The following KDM2B variants were observed in gnomAD, a reference collection of about 807,000 sequenced individuals.
KDM2B encodes lysine demethylase 2B, also known as lysine-specific demethylase 2B.
KDM2B carries 26 observed loss-of-function variants against 150.0 expected under a neutral mutation model. That is an observed-to-expected ratio of 0.17 (90% CI 0.13 to 0.24). The LOEUF (loss-of-function observed/expected upper bound fraction) is 0.24. Ranked by LOEUF, KDM2B falls within the 10% of genes least tolerant of loss-of-function variation. The pLI is 1.00. For missense variants in KDM2B, 1,265 were observed against 1,816.9 expected, an observed-to-expected ratio of 0.70 and a Z score of 5.52; for synonymous variants, 734 against 729.5, an observed-to-expected ratio of 1.01 and a Z score of -0.10.
intron 12 of KDM2B, among the ~76,000 whole-genome samples, chr12:121,472,829 C>G (rs1880910959): frequency 6.6e-6 from 1 of 152,148 alleles, no homozygotes; most frequent in African/African-American, 2.4e-5. Flanking sequence ...CAAGTGGGTT[C>G]ACTTTATAAA....
chr12:121,417,850 C>T, the KDM2B span: 2 of 1,614,042 alleles, frequency 1.2e-6, no homozygotes, highest in Non-Finnish European at 8.5e-7. The surrounding 1 kb of genome is among the most constrained non-coding windows in gnomAD (Gnocchi z 5.0). Context: ...GCTACTATGT[C>T]TTCGTTTCAG....
intron 11 of KDM2B, among the ~76,000 whole-genome samples, chr12:121,502,403 C>T (rs1016139606): frequency 1.3e-5 from 2 of 152,212 alleles, no homozygotes; most frequent in Non-Finnish European, 2.9e-5. Flanking sequence ...AGGCAGATTG[C>T]TTGAGGCCAG....
At position 121,442,709 on chromosome 12, in the gene KDM2B, C is replaced by T. The variant is rs1555288860; in HGVS notation, c.2732G>A (p.Arg911His). The part of the protein sequence containing the change: ...PPKTRESDHS[R>H]SSSPTAGPST... ...GGGTCCCGCGGTGGGGGAGCTGGAG[C>T]GGGAGTGGTCGCTCTCCCTGGTCTT... The change falls in exon 19 of 23, where the codon CGC becomes CAC. Residue 911 changes from arginine to histidine, a missense_variant. Coordinates refer to ENST00000377071, the MANE Select transcript of KDM2B (RefSeq NM_032590.5). The surrounding 1 kb of genome is among the most constrained non-coding windows in gnomAD (Gnocchi z 7.7). 5.7e-6 allele frequency: 9 copies of T among 1,579,932 alleles called. No individual in the cohort carries two copies. The South Asian group carries it at 6.9e-5, about 12-fold the overall frequency.
At chr12:121,448,319 CAAA>C (rs57261158) in intron 13 of KDM2B, among the ~76,000 whole-genome samples, 3,010 of 50,894 alleles carry the variant, frequency 0.059, 112 homozygotes, top group African/African-American at 0.17. Context: ...GACTCTGTCT[CAAA>C]AAAAAAAAAA....
At chr12:121,569,180 A>G (rs528088316) in intron 4 of KDM2B, among the ~76,000 whole-genome samples, 2 of 152,288 alleles carry the variant, frequency 1.3e-5, no homozygotes, top group African/African-American at 4.8e-5. Context: ...TCACCCAGCA[A>G]CCCTGGAGAA....
At chr12:121,421,390 A>C in the KDM2B span, among the ~76,000 whole-genome samples, 6 of 148,568 alleles carry the variant, frequency 4.0e-5, no homozygotes, top group Admixed American at 6.7e-5. Flanking sequence ...AAAAAAAAAA[A>C]AAAAAAAACC....
At chr12:121,456,337 C>T (rs1284386267) in intron 12 of KDM2B, among the ~76,000 whole-genome samples, 1 of 152,276 alleles carries the variant, frequency 6.6e-6, no homozygotes, top group Non-Finnish European at 1.5e-5. Flanking sequence ...TCCAGAGAAG[C>T]GGAAATCCAA....
intron 4 of KDM2B, among the ~76,000 whole-genome samples, chr12:121,556,078 C>T (rs1889869956): frequency 6.6e-6 from 1 of 151,794 alleles, no homozygotes; most frequent in Non-Finnish European, 1.5e-5. Context: ...AAGAACGCAC[C>T]ACCACGCCTG....
At chr12:121,481,525 G>A (rs1014755924) in intron 12 of KDM2B, among the ~76,000 whole-genome samples, 33 of 135,150 alleles carry the variant, frequency 2.4e-4, no homozygotes, top group African/African-American at 8.8e-4. Flanking sequence ...AGCCAAATTC[G>A]AGAAAGAAGT....
At chr12:121,572,242 C>A (rs1156760679) in intron 4 of KDM2B, among the ~76,000 whole-genome samples, 1 of 152,094 alleles carries the variant, frequency 6.6e-6, no homozygotes, top group African/African-American at 2.4e-5. Context: ...AAACCCAACC[C>A]AAGAAAATAA....
At chr12:121,554,085 A>ACACACACACACACAC (rs1594114542) in intron 4 of KDM2B, among the ~76,000 whole-genome samples, 2 of 145,198 alleles carry the variant, frequency 1.4e-5, no homozygotes, top group Non-Finnish European at 1.5e-5. Context: ...ACACACACAC[A>ACACACACACACACAC]AATTGGCCAA....
intron 6 of KDM2B, among the ~76,000 whole-genome samples, chr12:121,548,577 C>T (rs557556650): frequency 8.5e-4 from 129 of 152,320 alleles, no homozygotes; most frequent in African/African-American, 2.9e-3. Context: ...TGTGCCCTTG[C>T]GTACAGACAC....
the KDM2B span, chr12:121,416,336 T>C: frequency 6.2e-7 from 1 of 1,614,144 alleles, no homozygotes; most frequent in East Asian, 2.2e-5. Context: ...CAACATAGTT[T>C]GTAAAGCCTG....
At position 121,442,616 on chromosome 12, in the gene KDM2B, G is replaced by C. The variant is rs782700172; in HGVS notation, c.2825C>G (p.Pro942Arg). ...KVKMRRKRRL[P>R]NKELSRELSK... ...CAGCTCCCTGCTCAGCTCCTTGTTG[G>C]GAAGCCGCCGCTTCCGGCGCATCTT... Residue 942 changes from proline to arginine, a missense_variant, in exon 19 of 23, where the codon CCC becomes CGC. Physicochemically the swap from Pro to Arg is moderately radical, Grantham distance 103. Around this residue, in one of 11 missense-constraint regions of KDM2B, gnomAD observed 418 missense variants for 402.4 expected, o/e 1.04. Coordinates refer to ENST00000377071, the MANE Select transcript of KDM2B (RefSeq NM_032590.5). This position sits in a 1 kb window ranked among gnomAD's most constrained non-coding sequence, Gnocchi z 7.7. 6.2e-7 allele frequency: 1 copy of C among 1,602,390 alleles called. No homozygotes were observed. The highest frequency in any genetic ancestry group is 8.5e-7 in the Non-Finnish European group (1 of 1,179,300).
chr12:121,509,903 T>C lies in KDM2B; in HGVS notation c.1311A>G (p.Lys437=), dbSNP rs782478479. The change falls in exon 11 of 23, where the codon AAA becomes AAG. Residue 437 remains lysine, a synonymous_variant. Transcript: ENST00000377071. ...GTGAAGTGGAGCCATCGGTGGGCGG[T>C]TTGGGTGCCCTGTCCCTGCCCTCGC... ...EEGEGRDRAP[K]PPTDGSTSPT... 2 of 1,612,528 alleles carry C rather than the reference T, an allele frequency of 1.2e-6. No homozygotes were observed. The highest frequency in any genetic ancestry group is 1.7e-6 in the Non-Finnish European group (2 of 1,179,730).
chr12:121,489,425 G>A (rs1181838479), intron 12 of KDM2B, among the ~76,000 whole-genome samples: 3 of 151,136 alleles, frequency 2.0e-5, no homozygotes, highest in Middle Eastern at 3.5e-3. Flanking sequence ...GTGAGCCACC[G>A]CACCCGCCCC....
chr12:121,523,166 C>T (rs541527888), intron 8 of KDM2B, among the ~76,000 whole-genome samples: 5 of 152,318 alleles, frequency 3.3e-5, no homozygotes, highest in South Asian at 4.1e-4. Context: ...AGCTGGCAAG[C>T]GACAGCGGCT....
At chr12:121,555,539 ATATTTG>A (rs1889825045) in intron 4 of KDM2B, among the ~76,000 whole-genome samples, 1 of 152,108 alleles carries the variant, frequency 6.6e-6, no homozygotes, top group Admixed American at 6.6e-5. Context: ...TACCCGGCTA[ATATTTG>A]TATTTTTTGT....
In KDM2B at chr12:121,516,639, A is replaced by G; in HGVS notation, c.1048-3237T>C. ...AGGCAAGGCAGTCACAAGGCATGCAATGCTCCCAGCCTGCAGGTCATCCGT... is the reference window on the plus strand; with the variant it reads ...AGGCAAGGCAGTCACAAGGCATGCAGTGCTCCCAGCCTGCAGGTCATCCGT... On this transcript the variant is annotated intron_variant, in intron 9 of 22. Coordinates refer to ENST00000377071, the MANE Select transcript of KDM2B (RefSeq NM_032590.5). 6.3e-6 allele frequency: 5 copies of G among 790,152 alleles called. No individual in the cohort carries two copies. In the South Asian group the frequency reaches 9.4e-5, roughly 15 times the overall value. 48.9% of individuals were successfully genotyped at this position (790,152 alleles called of 1,614,324 possible). A position where few individuals can be genotyped will look rare whatever the true frequency, so the allele number is the denominator to read the frequency against.
Sources: allele counts gnomAD v4.1 joint callset (sites outside exome capture counted in the v4.1 genomes callset), GRCh38; gene constraint gnomAD v4.1.1; regional missense constraint gnomAD v4.1.1; non-coding constraint Gnocchi (gnomAD v3.1); transcripts MANE v1.5; gene names NCBI Gene and HGNC (gene_info 2026-07-23, HGNC 2026-07-21).